Variants in GBA1 observed in about 807,000 individuals in gnomAD.
GBA1 encodes the protein glucosylceramidase beta 1, also known as lysosomal acid glucosylceramidase.
the GBA1 span, chr1:155,240,401 T>C: frequency 2.3e-5 from 14 of 610,676 alleles, no homozygotes; most frequent in Non-Finnish European, 4.1e-5. Flanking sequence ...GAGGCAGAGG[T>C]TGGAATGAGC....
At chr1:155,241,186 C>G in the GBA1 span, 2 of 1,465,668 alleles carry the variant, frequency 1.4e-6, no homozygotes, top group East Asian at 4.5e-5. Context: ...ATCCACTAAA[C>G]AAAAACAAGG....
the GBA1 span, chr1:155,235,422 C>A: frequency 6.5e-7 from 1 of 1,546,402 alleles, no homozygotes; most frequent in Non-Finnish European, 8.8e-7. Flanking sequence ...GAGGCTCTGC[C>A]CTGGCTCTCT....
At chr1:155,238,620 A>G in the GBA1 span, 3 of 1,613,726 alleles carry the variant, frequency 1.9e-6, no homozygotes, top group Non-Finnish European at 2.5e-6. Context: ...ACAGCTGGCC[A>G]TGGGTACCCG....
chr1:155,241,572 A>G, the GBA1 span, among the ~76,000 whole-genome samples: 1 of 152,188 alleles, frequency 6.6e-6, no homozygotes, highest in African/African-American at 2.4e-5. Context: ...ACTGTGCAAA[A>G]TACTGACACT....
chr1:155,239,977 G>A, the GBA1 span: 1 of 1,614,140 alleles, frequency 6.2e-7, no homozygotes, highest in Non-Finnish European at 8.5e-7. Flanking sequence ...AGGTACCAAG[G>A]GCAGGAAAGG....
At chr1:155,237,427 G>C in the GBA1 span, 1 of 1,613,978 alleles carries the variant, frequency 6.2e-7, no homozygotes, top group Non-Finnish European at 8.5e-7. Flanking sequence ...GCGAGGGTAG[G>C]ACCTAGGTCA....
the GBA1 span, chr1:155,238,062 A>T: frequency 2.0e-6 from 3 of 1,498,962 alleles, no homozygotes; most frequent in Non-Finnish European, 2.8e-6. Flanking sequence ...AACTAGGTTG[A>T]GGGTTGGGAC....
chr1:155,237,972 G>T, the GBA1 span: 3 of 769,692 alleles, frequency 3.9e-6, no homozygotes, highest in South Asian at 1.6e-5. Context: ...GCCTGATGGA[G>T]TGGGCAAGAT....
the GBA1 span, chr1:155,237,296 C>T: frequency 6.2e-7 from 1 of 1,613,584 alleles, no homozygotes; most frequent in Non-Finnish European, 8.5e-7. Context: ...CATTTGGATG[C>T]TGGATTTGAA....
chr1:155,240,523 T>C, the GBA1 span: 4 of 890,606 alleles, frequency 4.5e-6, no homozygotes, highest in South Asian at 2.6e-5. Context: ...AAAGGATTTA[T>C]TGAGCACCTA....
At chr1:155,235,548 G>A in the GBA1 span, 1 of 1,166,904 alleles carries the variant, frequency 8.6e-7, no homozygotes, top group South Asian at 1.3e-5. Context: ...GGTGCAAAAG[G>A]GGATGGGTGT....
chr1:155,242,600 CT>C, the GBA1 span, among the ~76,000 whole-genome samples: 1 of 149,236 alleles, frequency 6.7e-6, no homozygotes, highest in African/African-American at 2.5e-5. Context: ...ATCATTTCTT[CT>C]TCTAGGTTCC....
At chr1:155,238,800 G>T in the GBA1 span, 9 of 1,023,508 alleles carry the variant, frequency 8.8e-6, no homozygotes, top group African/African-American at 1.6e-5. Context: ...TGGCACCTGG[G>T]TGAAGCGCAG....
At chr1:155,239,466 G>A in the GBA1 span, 1 of 840,420 alleles carries the variant, frequency 1.2e-6, no homozygotes, top group Non-Finnish European at 2.0e-6. Flanking sequence ...GGGAGGCAGA[G>A]GTTGCTGTGA....
chr1:155,240,269 G>A, the GBA1 span: 2 of 615,310 alleles, frequency 3.3e-6, no homozygotes. Context: ...TTTGAGACCT[G>A]CCTTGCCAGC....
chr1:155,244,140 C>G, the GBA1 span: 1 of 152,240 alleles, frequency 6.6e-6, no homozygotes, highest in Non-Finnish European at 1.5e-5. Context: ...TGGCTCACGC[C>G]TATAATCACA....
chr1:155,236,646 G>C, the GBA1 span, among the ~76,000 whole-genome samples: 2 of 152,006 alleles, frequency 1.3e-5, no homozygotes, highest in Non-Finnish European at 2.9e-5. Context: ...GGAGTACAGT[G>C]GCGCAATCAC....
the GBA1 span, chr1:155,240,262 G>C: frequency 1.6e-6 from 1 of 622,120 alleles, no homozygotes; most frequent in Non-Finnish European, 2.8e-6. Flanking sequence ...TGAGGAGTTT[G>C]AGACCTGCCT....
chr1:155,237,335 C>A, the GBA1 span: 13 of 1,613,922 alleles, frequency 8.1e-6, no homozygotes, highest in Non-Finnish European at 1.1e-5. Flanking sequence ...GAGGTCCAGG[C>A]CTTACCACCT....
Sources: allele counts gnomAD v4.1 joint callset (sites outside exome capture counted in the v4.1 genomes callset), GRCh38; gene constraint gnomAD v4.1.1; transcripts MANE v1.5; gene names NCBI Gene and HGNC (gene_info 2026-07-23, HGNC 2026-07-21).